CALN1: variants seen among roughly 807,000 people sequenced by gnomAD.
CALN1 encodes calneuron 1, also known as calcium-binding protein 8.
CALN1 carries 17 observed loss-of-function variants against 30.6 expected under a neutral mutation model. That is an observed-to-expected ratio of 0.56 (90% CI 0.38 to 0.83). CALN1 has a LOEUF of 0.83. Ranked by LOEUF, CALN1 falls within the 40% of genes least tolerant of loss-of-function variation. CALN1 has a pLI of 0.00. For missense variants in CALN1, 291 were observed against 354.9 expected, an observed-to-expected ratio of 0.82 and a Z score of 1.45; for synonymous variants, 156 against 131.4, an observed-to-expected ratio of 1.19 and a Z score of -1.28.
intron 2 of CALN1, among the ~76,000 whole-genome samples, chr7:72,309,394 G>A (rs1452234666): frequency 6.6e-6 from 1 of 152,114 alleles, no homozygotes; most frequent in East Asian, 1.9e-4. Context: ...AGGGTCCCAA[G>A]GAACTCAGGA....
intron 4 of CALN1, among the ~76,000 whole-genome samples, chr7:72,042,463 G>A (rs1802188548): frequency 1.3e-5 from 2 of 152,198 alleles, no homozygotes; most frequent in African/African-American, 4.8e-5. Context: ...AGCGGCAATA[G>A]ATGTGAAATG....
chr7:71,848,471 C>T (rs1447366242), intron 5 of CALN1, among the ~76,000 whole-genome samples: 1 of 152,026 alleles, frequency 6.6e-6, no homozygotes, highest in Non-Finnish European at 1.5e-5. Flanking sequence ...GAAGGATAAA[C>T]AGGAAAATAA....
chr7:72,243,708 G>A (rs1200987905), intron 3 of CALN1, among the ~76,000 whole-genome samples: 5 of 152,124 alleles, frequency 3.3e-5, no homozygotes, highest in Admixed American at 6.5e-5. Context: ...AAGCTGCTAG[G>A]CTGATCTAAT....
intron 5 of CALN1, among the ~76,000 whole-genome samples, chr7:71,947,681 C>T (rs973830658): frequency 1.3e-5 from 2 of 152,132 alleles, no homozygotes; most frequent in Non-Finnish European, 1.5e-5. Context: ...AGGCTCACAC[C>T]TGTAATCCCA....
intron 2 of CALN1, among the ~76,000 whole-genome samples, chr7:72,306,629 AAAAG>A (rs200238809): frequency 4.8e-5 from 7 of 146,282 alleles, no homozygotes; most frequent in South Asian, 2.2e-4. Flanking sequence ...TCTAAAAAAA[AAAAG>A]AAGAAAAAAA....
intron 3 of CALN1, among the ~76,000 whole-genome samples, chr7:72,135,521 A>G (rs1809447970): frequency 6.6e-6 from 1 of 152,204 alleles, no homozygotes; most frequent in Non-Finnish European, 1.5e-5. Context: ...ATGAGCAGGA[A>G]TATTTTGAAA....
chr7:71,925,761 AG>A (rs1795237204), intron 5 of CALN1, among the ~76,000 whole-genome samples: 1 of 152,046 alleles, frequency 6.6e-6, no homozygotes, highest in Non-Finnish European at 1.5e-5. Flanking sequence ...TAAAGTCAGC[AG>A]GATGTTGAGC....
intron 5 of CALN1, among the ~76,000 whole-genome samples, chr7:71,911,334 G>C (rs987830828): frequency 6.6e-6 from 1 of 150,972 alleles, no homozygotes; most frequent in African/African-American, 2.4e-5. Context: ...TTGATCTGAG[G>C]GTATGCCATC....
At chr7:72,180,415 C>A (rs1433314906) in intron 3 of CALN1, among the ~76,000 whole-genome samples, 5 of 151,904 alleles carry the variant, frequency 3.3e-5, no homozygotes, top group Non-Finnish European at 7.4e-5. Context: ...ATCACAGAGC[C>A]TTGCTTGATG....
chr7:72,227,275 T>C (rs1793753834), intron 3 of CALN1, among the ~76,000 whole-genome samples: 1 of 148,692 alleles, frequency 6.7e-6, no homozygotes, highest in Non-Finnish European at 1.5e-5. Flanking sequence ...AGTGGTGGCC[T>C]ACGTCTGTAA....
At chr7:71,901,098 G>T (rs1301687124) in intron 5 of CALN1, among the ~76,000 whole-genome samples, 1 of 152,070 alleles carries the variant, frequency 6.6e-6, no homozygotes, top group African/African-American at 2.4e-5. Flanking sequence ...CTCTTACTTT[G>T]GACTTGCTCT....
At position 72,361,383 on chromosome 7, in the gene CALN1, G is replaced by T. The variant is rs192834557; in HGVS notation, c.119+41868C>A. ...AGACCAGGTGTGATGATGTGCACCTGTAGTCCCAGCTACTCAGGAGGCTGA... is the reference window on the plus strand; with the variant it reads ...AGACCAGGTGTGATGATGTGCACCTTTAGTCCCAGCTACTCAGGAGGCTGA... On this transcript the variant is annotated intron_variant, in intron 2 of 6. Coordinates refer to ENST00000395275, the MANE Select transcript of CALN1 (RefSeq NM_031468.4). Among the ~76,000 whole-genome samples, 4 of 152,254 alleles carry T rather than the reference G, an allele frequency of 2.6e-5. No homozygotes were observed. The East Asian group carries it at 7.7e-4, about 29-fold the overall frequency.
chr7:72,241,536 G>A (rs1462973848), intron 3 of CALN1, among the ~76,000 whole-genome samples: 1 of 151,944 alleles, frequency 6.6e-6, no homozygotes, highest in Non-Finnish European at 1.5e-5. Flanking sequence ...GAGAAACCCT[G>A]TCTCTACTAA....
intron 3 of CALN1, among the ~76,000 whole-genome samples, chr7:72,237,872 C>G (rs1330909839): frequency 6.6e-6 from 1 of 152,156 alleles, no homozygotes; most frequent in Admixed American, 6.6e-5. Context: ...AGAAATGTTA[C>G]CATGGAAAAT....
chr7:71,966,533 G>A (rs1020149341), intron 5 of CALN1, among the ~76,000 whole-genome samples: 1 of 152,114 alleles, frequency 6.6e-6, no homozygotes, highest in African/African-American at 2.4e-5. Flanking sequence ...CTCTCTCTCT[G>A]TCTCCTGCTC....
At chr7:72,256,171 T>C (rs749212310) in intron 3 of CALN1, among the ~76,000 whole-genome samples, 1 of 152,234 alleles carries the variant, frequency 6.6e-6, no homozygotes. Flanking sequence ...CGAAGAATTC[T>C]TGCCTGGCCT....
At chr7:72,439,503 C>A (rs1490880013) in intron 1 of CALN1, among the ~76,000 whole-genome samples, 1 of 151,120 alleles carries the variant, frequency 6.6e-6, no homozygotes, top group Non-Finnish European at 1.5e-5. Flanking sequence ...ATTAAAATAT[C>A]ATGAAGAAGA....
At chr7:72,177,486 G>A (rs114539924) in intron 3 of CALN1, among the ~76,000 whole-genome samples, 1,896 of 152,016 alleles carry the variant, frequency 0.012, 44 homozygotes, top group African/African-American at 0.043. Context: ...ACATTTGGGC[G>A]GGGCAATGTG....
chr7:72,458,765 T>A, the CALN1 span, among the ~76,000 whole-genome samples: 3 of 120,704 alleles, frequency 2.5e-5, no homozygotes, highest in Non-Finnish European at 4.8e-5. Context: ...ATATATTCTA[T>A]ATTATATAAT....
Sources: allele counts gnomAD v4.1 joint callset (sites outside exome capture counted in the v4.1 genomes callset), GRCh38; gene constraint gnomAD v4.1.1; transcripts MANE v1.5; gene names NCBI Gene and HGNC (gene_info 2026-07-23, HGNC 2026-07-21).